Variants in PALS2 observed in about 807,000 individuals in gnomAD.
PALS2 encodes the protein protein PALS2.
PALS2 carries 27 observed loss-of-function variants against 61.6 expected under a neutral mutation model. That is an observed-to-expected ratio of 0.44 (90% CI 0.32 to 0.60). PALS2 has a LOEUF of 0.60. Ranked by LOEUF, PALS2 falls within the 20% of genes least tolerant of loss-of-function variation. The pLI, the probability that PALS2 is intolerant of heterozygous loss-of-function variation, is 0.05. For missense variants in PALS2, 554 were observed against 639.4 expected (o/e 0.87, Z 1.44); for synonymous variants, 236 against 218.6 (o/e 1.08, Z -0.70).
intron 3 of PALS2, among the ~76,000 whole-genome samples, chr7:24,644,508 GTA>G (rs556517064): frequency 0.024 from 3,673 of 150,438 alleles, 158 homozygotes; most frequent in African/African-American, 0.085. Flanking sequence ...GTGTGTGTGT[GTA>G]TATATATATA....
At chr7:24,582,769 T>C (rs1782893830) in intron 1 of PALS2, among the ~76,000 whole-genome samples, 1 of 151,268 alleles carries the variant, frequency 6.6e-6, no homozygotes, top group Non-Finnish European at 1.5e-5. Context: ...CTAGAAGGTA[T>C]AAGAAACTCC....
chr7:24,650,641 C>G lies in PALS2; in HGVS notation c.580C>G (p.Leu194Val). Residue 194 changes from leucine to valine, a missense_variant, in exon 5 of 12, where the codon CTG (leucine) becomes GTG (valine). Coordinates refer to ENST00000222644, the MANE Select transcript of PALS2 (RefSeq NM_001303037.2). ...TAATCCAAAGGAATTACAAGAATTACTGAAAAATATTAGTGGAAGTGTCAC... is the reference window on the plus strand; with the variant it reads ...TAATCCAAAGGAATTACAAGAATTAGTGAAAAATATTAGTGGAAGTGTCAC... ...GNNPKELQEL[L>V]KNISGSVTLK... is the part of the protein sequence containing the mutation. 6.2e-7 allele frequency: 1 copy of G among 1,612,162 alleles called. No homozygotes were observed. Among genetic ancestry groups the G allele is most frequent in the Non-Finnish European group, 8.5e-7 (1 of 1,178,530 alleles).
chr7:24,579,215 A>G (rs552889694), intron 1 of PALS2, among the ~76,000 whole-genome samples: 1 of 152,314 alleles, frequency 6.6e-6, no homozygotes, highest in Admixed American at 6.5e-5. Flanking sequence ...TTATAAATAA[A>G]AACTATGAGA....
intron 1 of PALS2, among the ~76,000 whole-genome samples, chr7:24,621,917 C>A (rs1273449564): frequency 6.6e-6 from 1 of 151,974 alleles, no homozygotes; most frequent in Non-Finnish European, 1.5e-5. Flanking sequence ...GTTGTCCCAG[C>A]ACCAGCTGTT....
chr7:24,580,468 G>C (rs995810720), intron 1 of PALS2, among the ~76,000 whole-genome samples: 12 of 152,116 alleles, frequency 7.9e-5, no homozygotes, highest in Non-Finnish European at 2.9e-5. Flanking sequence ...GCTGGAACTT[G>C]GTCTCTCACC....
At chr7:24,642,748 A>T (rs1459978544) in intron 3 of PALS2, among the ~76,000 whole-genome samples, 1 of 152,186 alleles carries the variant, frequency 6.6e-6, no homozygotes, top group Non-Finnish European at 1.5e-5. Context: ...TGGTTCCGAC[A>T]TAAATTAGTG....
chr7:24,614,837 A>G (rs1384103295), intron 1 of PALS2, among the ~76,000 whole-genome samples: 2 of 151,958 alleles, frequency 1.3e-5, no homozygotes, highest in Non-Finnish European at 2.9e-5. Flanking sequence ...GCAAACATAC[A>G]ATGTCAAAGG....
chr7:24,665,798 C>T lies in PALS2; in HGVS notation c.883+111C>T, dbSNP rs1396976837. 11 of 1,029,634 alleles carry T rather than the reference C, an allele frequency of 1.1e-5. No individual in the cohort carries two copies. The African/African-American group carries it at 1.5e-4, about 14-fold the overall frequency. The allele number at this position is 1,029,634 out of a possible 1,614,324, so 63.8% of individuals were successfully genotyped here. Reference sequence around the variant, plus strand: ...ATTTAAAATATGTCTAGAATGAATCCCTCCCTCTGCTTTCTCTCGCTCATA... The same window carrying T: ...ATTTAAAATATGTCTAGAATGAATCTCTCCCTCTGCTTTCTCTCGCTCATA... On this transcript the variant is annotated intron_variant, in intron 7 of 11. Coordinates refer to ENST00000222644, the MANE Select transcript of PALS2 (RefSeq NM_001303037.2).
intron 5 of PALS2, among the ~76,000 whole-genome samples, chr7:24,654,095 TATAA>T (rs758951223): frequency 6.6e-6 from 1 of 152,188 alleles, no homozygotes; most frequent in Non-Finnish European, 1.5e-5. Flanking sequence ...AATGTAAGTC[TATAA>T]ATTCCAAGAC....
chr7:24,622,920 T>G (rs532059474), intron 1 of PALS2, among the ~76,000 whole-genome samples: 1 of 152,048 alleles, frequency 6.6e-6, no homozygotes, highest in South Asian at 2.1e-4. Context: ...CTAATGATTT[T>G]CTTTGTCTGA....
At chr7:24,610,124 T>G (rs1784062051) in intron 1 of PALS2, among the ~76,000 whole-genome samples, 1 of 152,094 alleles carries the variant, frequency 6.6e-6, no homozygotes, top group Admixed American at 6.6e-5. Flanking sequence ...AATAATGCAG[T>G]AGGAAGTATT....
rs749876167 is a variant in PALS2, at chr7:24,668,493, A to G, written c.953-6A>G. ...ACTTTGTATTCCCATTTCCTTTTTC[A>G]TTTAGAATTTGATCGTCATGAAATC... On this transcript the variant is annotated splice_polypyrimidine_tract_variant and splice_region_variant and intron_variant, in intron 8 of 11. Coordinates refer to ENST00000222644, the MANE Select transcript of PALS2 (RefSeq NM_001303037.2). 3.1e-6 allele frequency: 5 copies of G among 1,606,532 alleles called. No individual in the cohort carries two copies. In the South Asian group the frequency reaches 5.6e-5, roughly 18 times the overall value.
chr7:24,614,305 A>ATG (rs1201347459), intron 1 of PALS2, among the ~76,000 whole-genome samples: 1 of 151,278 alleles, frequency 6.6e-6, no homozygotes, highest in African/African-American at 2.4e-5. Flanking sequence ...TTGATTTTTA[A>ATG]TGTGTGTTGT....
intron 3 of PALS2, among the ~76,000 whole-genome samples, chr7:24,649,004 A>G (rs993111338): frequency 3.3e-5 from 5 of 151,948 alleles, no homozygotes; most frequent in Non-Finnish European, 7.4e-5. Context: ...AAAATACGTT[A>G]TATTCGGGAC....
At chr7:24,686,600 T>G (rs1310437915) in intron 11 of PALS2, among the ~76,000 whole-genome samples, 1 of 152,234 alleles carries the variant, frequency 6.6e-6, no homozygotes, top group Non-Finnish European at 1.5e-5. Context: ...GTGCCTGTTT[T>G]GTTTCTTTCA....
At position 24,573,771 on chromosome 7, in the gene PALS2, G is replaced by GCGGCGT; in HGVS notation, c.-3+180_-3+181insGCGTCG. On this transcript the variant is annotated intron_variant, in intron 1 of 11. Coordinates refer to ENST00000222644, the MANE Select transcript of PALS2 (RefSeq NM_001303037.2). This position sits in a 1 kb window ranked among gnomAD's most constrained non-coding sequence, Gnocchi z 5.3. The stretch of plus-strand genomic sequence containing the variant: ...GAGGGACCGGCAGGCGGCGGCGGCG[G>GCGGCGT]CGCCGCGGTCGGGGAGGCTGCTGGC... Among the ~76,000 whole-genome samples the GCGGCGT allele has an allele frequency of 6.8e-6, 1 of 147,066 alleles. No individual in the cohort carries two copies.
intron 1 of PALS2, among the ~76,000 whole-genome samples, chr7:24,623,296 T>A (rs1275742267): frequency 6.6e-6 from 1 of 151,720 alleles, no homozygotes; most frequent in African/African-American, 2.4e-5. Flanking sequence ...GTTCTGAGCT[T>A]GTGGGAAGTT....
chr7:24,660,579 A>G (rs1044832775), intron 5 of PALS2, among the ~76,000 whole-genome samples: 10 of 152,078 alleles, frequency 6.6e-5, no homozygotes, highest in Non-Finnish European at 1.0e-4. Context: ...ACGACTATAT[A>G]TAGTGCCACA....
intron 1 of PALS2, among the ~76,000 whole-genome samples, chr7:24,579,106 A>G (rs1782742728): frequency 6.6e-6 from 1 of 152,244 alleles, no homozygotes; most frequent in African/African-American, 2.4e-5. Context: ...CCAACCATCA[A>G]GTGGGCAAAG....
Sources: allele counts gnomAD v4.1 joint callset (sites outside exome capture counted in the v4.1 genomes callset), GRCh38; gene constraint gnomAD v4.1.1; non-coding constraint Gnocchi (gnomAD v3.1); transcripts MANE v1.5; gene names NCBI Gene and HGNC (gene_info 2026-07-23, HGNC 2026-07-21).